The following FAM193A variants were observed in gnomAD, a reference collection of about 807,000 sequenced individuals.
FAM193A encodes the protein protein FAM193A.
Under a neutral mutation model 126.5 loss-of-function variants are expected in FAM193A, and 22 were observed. The observed-to-expected ratio is 0.17, with a 90% CI of 0.12 to 0.25. The LOEUF (loss-of-function observed/expected upper bound fraction) is 0.25, where lower values mean the gene tolerates loss of function less well. FAM193A is among the 10% of genes least tolerant of loss of function. The pLI is 1.00. For synonymous variants in FAM193A, 761 were observed against 646.8 expected (o/e 1.18, Z -2.68); for missense variants, 1,675 against 1,672.8 (o/e 1.00, Z -0.02).
intron 1 of FAM193A, among the ~76,000 whole-genome samples, chr4:2,570,218 C>A (rs1057475166): frequency 1.3e-5 from 2 of 151,994 alleles, no homozygotes; most frequent in Non-Finnish European, 2.9e-5. Context: ...CTCATTGGGC[C>A]GGTTTGAATC....
chr4:2,582,466 C>T (rs1038127837), intron 1 of FAM193A, among the ~76,000 whole-genome samples: 3 of 152,138 alleles, frequency 2.0e-5, no homozygotes, highest in Non-Finnish European at 4.4e-5. Flanking sequence ...CCTTCTCCTT[C>T]CCTCCTCTCT....
intron 10 of FAM193A, among the ~76,000 whole-genome samples, chr4:2,661,533 G>A (rs1434874741): frequency 6.6e-6 from 1 of 152,124 alleles, no homozygotes; most frequent in East Asian, 1.9e-4. Context: ...CCCAGGCAGC[G>A]TCCCAGGTGC....
At chr4:2,562,441 C>A (rs986896818) in intron 1 of FAM193A, among the ~76,000 whole-genome samples, 1 of 152,092 alleles carries the variant, frequency 6.6e-6, no homozygotes, top group East Asian at 1.9e-4. Flanking sequence ...AAAGCGAGAC[C>A]CTGCCTTTAA....
chr4:2,540,447 G>C (rs542852008), intron 1 of FAM193A, among the ~76,000 whole-genome samples: 1 of 151,846 alleles, frequency 6.6e-6, no homozygotes, highest in African/African-American at 2.4e-5. Context: ...CAGCCTGGGC[G>C]ACAGAGCGAG....
chr4:2,547,805 A>G (rs1399377680), intron 1 of FAM193A, among the ~76,000 whole-genome samples: 1 of 150,484 alleles, frequency 6.6e-6, no homozygotes, highest in African/African-American at 2.4e-5. Flanking sequence ...TTGTAGTTTC[A>G]GTAGAGATGG....
At chr4:2,586,220 G>A (rs576402202) in intron 1 of FAM193A, among the ~76,000 whole-genome samples, 1 of 150,178 alleles carries the variant, frequency 6.7e-6, no homozygotes, top group Admixed American at 6.6e-5. Flanking sequence ...TCCAGCCTGG[G>A]CAACAAGAGC....
At chr4:2,688,701 C>G (rs1716026013) in intron 13 of FAM193A, among the ~76,000 whole-genome samples, 1 of 152,240 alleles carries the variant, frequency 6.6e-6, no homozygotes, top group African/African-American at 2.4e-5. Flanking sequence ...GGGAGAAGGA[C>G]TGGGAAGAGT....
chr4:2,641,465 C>T (rs1270729280), intron 6 of FAM193A, among the ~76,000 whole-genome samples: 1 of 151,910 alleles, frequency 6.6e-6, no homozygotes, highest in Non-Finnish European at 1.5e-5. Flanking sequence ...ACCATCCTGG[C>T]TAACACGGTG....
chr4:2,678,661 C>T (rs1030042178), intron 13 of FAM193A, among the ~76,000 whole-genome samples: 4 of 152,170 alleles, frequency 2.6e-5, no homozygotes, highest in Non-Finnish European at 5.9e-5. Context: ...CTGTGCCCAG[C>T]CCTAAATTAT....
At chr4:2,677,511 C>T (rs1007054681) in intron 13 of FAM193A, among the ~76,000 whole-genome samples, 3 of 151,732 alleles carry the variant, frequency 2.0e-5, no homozygotes, top group Admixed American at 6.6e-5. Flanking sequence ...GAGGCTGAGG[C>T]GGGCGGATCA....
chr4:2,596,429 G>C (rs1042631633), intron 2 of FAM193A, 100 bp downstream of exon 2: 1 of 642,018 alleles, frequency 1.6e-6, no homozygotes, highest in African/African-American at 1.8e-5. Flanking sequence ...TTTGCTTCAG[G>C]GGGCACTCCC....
chr4:2,637,156 G>T (rs111797711), intron 5 of FAM193A, among the ~76,000 whole-genome samples: 1 of 152,138 alleles, frequency 6.6e-6, no homozygotes, highest in East Asian at 1.9e-4. Context: ...GTGAGATCCC[G>T]TCTCTACAGA....
chr4:2,710,161 G>GTTTTTTTTTTTTTTTCTTTTTTTTTTTTT (rs1353124868), intron 19 of FAM193A, among the ~76,000 whole-genome samples: 3 of 91,820 alleles, frequency 3.3e-5, no homozygotes, highest in Non-Finnish European at 4.2e-5. Context: ...TTCTTCTTTT[G>GTTTTTTTTTTTTTTTCTTTTTTTTTTTTT]TTTTTTTTTT....
At chr4:2,633,834 A>G (rs181129687) in intron 5 of FAM193A, among the ~76,000 whole-genome samples, 1,939 of 152,324 alleles carry the variant, frequency 0.013, 20 homozygotes, top group Non-Finnish European at 0.018. Flanking sequence ...TGGAGGTTGC[A>G]GTGAGCCGAG....
chr4:2,684,184 T>C (rs1715466235), intron 13 of FAM193A, among the ~76,000 whole-genome samples: 1 of 152,200 alleles, frequency 6.6e-6, no homozygotes, highest in Non-Finnish European at 1.5e-5. Flanking sequence ...CTGGTGAGAT[T>C]GTTGTTAGAC....
chr4:2,725,583 A>C (rs115612596), intron 20 of FAM193A, among the ~76,000 whole-genome samples: 1 of 151,668 alleles, frequency 6.6e-6, no homozygotes, highest in East Asian at 1.9e-4. Context: ...CTCTAGATAG[A>C]GTGTGGCCAA....
intron 13 of FAM193A, among the ~76,000 whole-genome samples, chr4:2,680,249 T>C (rs754836606): frequency 6.6e-6 from 1 of 152,232 alleles, no homozygotes; most frequent in Non-Finnish European, 1.5e-5. Context: ...TTCGTCTTGA[T>C]AGGTTTTGTG....
intron 16 of FAM193A, 31 bp from the exon 17 acceptor site, chr4:2,694,915 C>G: frequency 6.4e-7 from 1 of 1,555,246 alleles, no homozygotes; most frequent in Non-Finnish European, 8.7e-7. Flanking sequence ...GGGCCGGCCA[C>G]TTGCTGATGA....
At chr4:2,647,382 G>T (rs1354578626) in intron 7 of FAM193A, among the ~76,000 whole-genome samples, 1 of 152,178 alleles carries the variant, frequency 6.6e-6, no homozygotes, top group African/African-American at 2.4e-5. Flanking sequence ...CCGACCTCAG[G>T]TGGTTTCCCT....
Sources: allele counts gnomAD v4.1 joint callset (sites outside exome capture counted in the v4.1 genomes callset), GRCh38; gene constraint gnomAD v4.1.1; transcripts MANE v1.5; gene names NCBI Gene and HGNC (gene_info 2026-07-23, HGNC 2026-07-21).